TRAPPC6A: variants seen among roughly 807,000 people sequenced by gnomAD.
TRAPPC6A encodes TRAPP complex subunit 6A.
Under a neutral mutation model 20.8 loss-of-function variants are expected in TRAPPC6A, and 25 were observed. That is an observed-to-expected ratio of 1.20 (90% CI 0.88 to 1.68). TRAPPC6A has a LOEUF of 1.68. Among genes scored for constraint, TRAPPC6A ranks in the 40% most tolerant of loss-of-function variants. The pLI, the probability that TRAPPC6A is intolerant of heterozygous loss-of-function variation, is 0.00. For missense variants in TRAPPC6A, 215 were observed against 211.6 expected, an observed-to-expected ratio of 1.02 and a Z score of -0.10; for synonymous variants, 96 against 93.3, an observed-to-expected ratio of 1.03 and a Z score of -0.16.
At chr19:45,168,299 G>A (rs956044722) in intron 1 of TRAPPC6A, among the ~76,000 whole-genome samples, 5 of 152,176 alleles carry the variant, frequency 3.3e-5, no homozygotes, top group South Asian at 4.1e-4. Context: ...CACCGCGCCC[G>A]GCCCTGACCC....
At chr19:45,175,482 A>C (rs1442500618) in intron 1 of TRAPPC6A, among the ~76,000 whole-genome samples, 3 of 152,116 alleles carry the variant, frequency 2.0e-5, no homozygotes, top group Admixed American at 6.5e-5. Context: ...GCCTACCAAG[A>C]AAAAAGTGCG....
rs1029814985 is a variant in TRAPPC6A at position 45,163,656 on chromosome 19, T to C, written c.448+260A>G. ...GCCTGCCGTCGCCCCCATCGAAGGATCAGTGAGGATAACTTCTATTGCGTC... is the reference window on the plus strand; with the variant it reads ...GCCTGCCGTCGCCCCCATCGAAGGACCAGTGAGGATAACTTCTATTGCGTC... On this transcript the variant is annotated intron_variant, in intron 5 of 5. Transcript: ENST00000585934. The surrounding 1 kb of genome is among the most constrained non-coding windows in gnomAD (Gnocchi z 5.3). Among the ~76,000 whole-genome samples, 3 of 152,048 alleles carry C rather than the reference T, an allele frequency of 2.0e-5. No homozygotes were observed. Among genetic ancestry groups the C allele is most frequent in the Non-Finnish European group, 1.5e-5 (1 of 67,988 alleles).
intron 1 of TRAPPC6A, among the ~76,000 whole-genome samples, chr19:45,170,650 G>T (rs1023994496): frequency 6.6e-6 from 1 of 152,218 alleles, no homozygotes; most frequent in Non-Finnish European, 1.5e-5. Context: ...TGTGACCTTG[G>T]GCAGATTAGC....
chr19:45,164,284 C>T, intron 3 of TRAPPC6A, 37 bp from the exon 4 acceptor site: 3 of 1,436,508 alleles, frequency 2.1e-6, no homozygotes. Flanking sequence ...GGGGTCGGGG[C>T]CTGTACATTT....
intron 1 of TRAPPC6A, 145 bp from the exon 2 acceptor site, chr19:45,165,339 C>T (rs771392903): frequency 8.1e-5 from 64 of 787,306 alleles, no homozygotes; most frequent in Non-Finnish European, 1.2e-4. Context: ...TCTGGCACAG[C>T]CCGGCCAGGG....
At chr19:45,176,954 G>A (rs976353147) in intron 1 of TRAPPC6A, among the ~76,000 whole-genome samples, 4 of 149,892 alleles carry the variant, frequency 2.7e-5, no homozygotes, top group African/African-American at 7.4e-5. Flanking sequence ...AGATCACGAG[G>A]TCAGAAGATG....
chr19:45,163,109 AC>A lies in TRAPPC6A; in HGVS notation c.*82del. 2 of 1,550,438 alleles carry A rather than the reference AC, an allele frequency of 1.3e-6. No homozygotes were observed. Among genetic ancestry groups the A allele is most frequent in the Non-Finnish European group, 8.9e-7 (1 of 1,128,378 alleles). On this transcript the variant is annotated 3_prime_UTR_variant, in exon 6 of 6. Coordinates refer to ENST00000585934, the MANE Select transcript of TRAPPC6A (RefSeq NM_001270891.2). The surrounding 1 kb of genome is among the most constrained non-coding windows in gnomAD (Gnocchi z 5.3). ...CCTAGGGCCTGGGATTCCCAAGACC[AC>A]CCCGAAATGCAGCGGCCCCACCGTC...
intron 4 of TRAPPC6A, 62 bp from the exon 5 acceptor site, chr19:45,164,071 C>A: frequency 1.9e-6 from 3 of 1,548,412 alleles, no homozygotes; most frequent in South Asian, 2.4e-5. Context: ...AGGTCTGGGG[C>A]ACCCCTTAGG....
chr19:45,177,080 G>A (rs898501886), intron 1 of TRAPPC6A, among the ~76,000 whole-genome samples: 1 of 152,228 alleles, frequency 6.6e-6, no homozygotes, highest in Non-Finnish European at 1.5e-5. Flanking sequence ...CTACTTGGGA[G>A]GCTGAGAAGT....
chr19:45,168,903 G>A (rs913055547), intron 1 of TRAPPC6A, among the ~76,000 whole-genome samples: 1 of 152,214 alleles, frequency 6.6e-6, no homozygotes, highest in Non-Finnish European at 1.5e-5. Flanking sequence ...GGGGGGGCCT[G>A]AGCTGAGGTC....
chr19:45,167,068 C>T (rs534362606), intron 1 of TRAPPC6A, among the ~76,000 whole-genome samples: 25 of 152,262 alleles, frequency 1.6e-4, no homozygotes, highest in African/African-American at 6.0e-4. Flanking sequence ...CCCAGCCCTG[C>T]CCACTGCACA....
chr19:45,170,995 G>C (rs1462514998), intron 1 of TRAPPC6A, among the ~76,000 whole-genome samples: 1 of 152,234 alleles, frequency 6.6e-6, no homozygotes, highest in Non-Finnish European at 1.5e-5. Context: ...GAGGTTAGGG[G>C]TTTATCTTTC....
At chr19:45,171,925 G>C (rs1205112234) in intron 1 of TRAPPC6A, among the ~76,000 whole-genome samples, 2 of 152,192 alleles carry the variant, frequency 1.3e-5, no homozygotes, top group Non-Finnish European at 2.9e-5. Flanking sequence ...GGGTGACAGC[G>C]CCTTAGCTCT....
chr19:45,177,656 G>A (rs1969419515), intron 1 of TRAPPC6A, among the ~76,000 whole-genome samples: 1 of 152,182 alleles, frequency 6.6e-6, no homozygotes, highest in Non-Finnish European at 1.5e-5. Context: ...CTAGTGAAAT[G>A]TAAGCTTCAC....
chr19:45,166,429 A>G (rs1030583905), intron 1 of TRAPPC6A, among the ~76,000 whole-genome samples: 1 of 148,672 alleles, frequency 6.7e-6, no homozygotes, highest in Non-Finnish European at 1.5e-5. Flanking sequence ...GGCTGGTCTC[A>G]AACTCCTAGC....
chr19:45,167,433 T>TATAC (rs1292468457), intron 1 of TRAPPC6A, among the ~76,000 whole-genome samples: 1 of 152,214 alleles, frequency 6.6e-6, no homozygotes, highest in Non-Finnish European at 1.5e-5. Flanking sequence ...AAATGTGAGC[T>TATAC]ATACATACGT....
chr19:45,177,976 G>C (rs556802754), intron 1 of TRAPPC6A, 159 bp downstream of exon 1: 451 of 1,374,530 alleles, frequency 3.3e-4, no homozygotes, highest in Non-Finnish European at 4.2e-4. Context: ...CGGCACCGTC[G>C]CGAACGCCAC....
intron 1 of TRAPPC6A, among the ~76,000 whole-genome samples, chr19:45,174,848 T>C (rs111679869): frequency 0.014 from 2,179 of 151,090 alleles, 59 homozygotes; most frequent in African/African-American, 0.048. Flanking sequence ...CAGCCGGGCG[T>C]GGTGGCTCAC....
rs781450781 is a variant in TRAPPC6A at position 45,164,159 on chromosome 19, C to A, written c.354+5G>T. ...GTGTGGACAAGGCCCCAGCTCCCCC[C>A]ATACCTTGGGTGCTTCCTCCAGATA... On this transcript the variant is annotated splice_donor_5th_base_variant and intron_variant, in intron 4 of 5. Transcript: ENST00000585934. 5.6e-6 allele frequency: 9 copies of A among 1,601,548 alleles called. No individual in the cohort carries two copies. The highest frequency in any genetic ancestry group is 2.6e-6 in the Non-Finnish European group (3 of 1,174,758).
Sources: allele counts gnomAD v4.1 joint callset (sites outside exome capture counted in the v4.1 genomes callset), GRCh38; gene constraint gnomAD v4.1.1; non-coding constraint Gnocchi (gnomAD v3.1); transcripts MANE v1.5; gene names NCBI Gene and HGNC (gene_info 2026-07-23, HGNC 2026-07-21).